TFF3: variants seen among roughly 807,000 people sequenced by gnomAD.
TFF3 encodes trefoil factor 3.
TFF3 carries 6 observed loss-of-function variants against 9.7 expected under a neutral mutation model. That is an observed-to-expected ratio of 0.62 (90% CI 0.34 to 1.22). TFF3 has a LOEUF of 1.22. Ranked by LOEUF, TFF3 falls within the 50% of genes most tolerant of loss-of-function variation. The pLI is 0.04. For missense variants in TFF3, 93 were observed against 98.6 expected, an observed-to-expected ratio of 0.94 and a Z score of 0.24; for synonymous variants, 48 against 41.4, an observed-to-expected ratio of 1.16 and a Z score of -0.61.
In TFF3 at chr21:42,315,320, T is replaced by C; in HGVS notation, c.55A>G (p.Ser19Gly). 1 of 1,614,028 alleles carries C rather than the reference T, an allele frequency of 6.2e-7. No individual in the cohort carries two copies. ...AGGCCCACGTACTCCTCAGCAGAGC[T>C]GGAGGACAGCAAGGCCAGGACCAGC... ...LGLVLALLSS[S>G]SAEEYVGLSA... Residue 19 changes from serine (S) to glycine (G), a missense_variant, in exon 1 of 3, where the codon AGC becomes GGC. Ser to Gly is a moderately conservative substitution (Grantham distance 56). Transcript: ENST00000518498.
At chr21:42,312,606 T>TGGACCC (rs369294792) in intron 2 of TFF3, among the ~76,000 whole-genome samples, 3 of 152,244 alleles carry the variant, frequency 2.0e-5, no homozygotes, top group African/African-American at 7.2e-5. Context: ...TGGCCTTCTC[T>TGGACCC]GGACCCCCAC....
At position 42,313,575 on chromosome 21, in the gene TFF3, C is replaced by T. The variant is rs142147199; in HGVS notation, c.139G>A (p.Val47Ile). 3.7e-6 allele frequency: 6 copies of T among 1,611,188 alleles called. No homozygotes were observed. The African/African-American group carries it at 8.0e-5, about 22-fold the overall frequency. ...CGGTTGTTGCACTCCTTGGGGGTGA[C>T]ATGGGGGTAGCCGCAGTCCACCCTG... The part of the protein sequence containing the change: ...KDRVDCGYPH[V>I]TPKECNNRGC... The change falls in exon 2 of 3, where the codon GTC becomes ATC. Residue 47 changes from valine to isoleucine, a missense_variant. Physicochemically the swap from Val to Ile is conservative, Grantham distance 29. Transcript: ENST00000518498. This position sits in a 1 kb window ranked among gnomAD's most constrained non-coding sequence, Gnocchi z 4.0.
chr21:42,311,886 A>T lies in TFF3; in HGVS notation c.*370T>A. On this transcript the variant is annotated 3_prime_UTR_variant, in exon 3 of 3. Transcript: ENST00000518498. ...AGGAAGCGGCACTTACAGTGTTCCT[A>T]GGCTTTCCTGTGACGTGGGTGCCAG... is the stretch of plus-strand genomic sequence containing the variant. 2.2e-6 allele frequency: 1 copy of T among 449,974 alleles called. No homozygotes were observed. Among genetic ancestry groups the T allele is most frequent in the East Asian group, 4.5e-5 (1 of 22,128 alleles). The allele number at this position is 449,974 out of a possible 1,614,324, so 27.9% of individuals were successfully genotyped here. A position where few individuals can be genotyped will look rare whatever the true frequency, so the allele number is the denominator to read the frequency against.
chr21:42,313,372 G>T lies in TFF3; in HGVS notation c.229+113C>A. On this transcript the variant is annotated intron_variant, in intron 2 of 2. Transcript: ENST00000518498. The surrounding 1 kb of genome is among the most constrained non-coding windows in gnomAD (Gnocchi z 4.0). ...GAGGCCTTGGAACAGGTGTGTGTGT[G>T]TGGCTTCCTGGGGTCCTTGTGCCTC... 1 of 1,325,636 alleles carries T rather than the reference G, an allele frequency of 7.5e-7. No homozygotes were observed. Among genetic ancestry groups the T allele is most frequent in the Non-Finnish European group, 1.0e-6 (1 of 981,456 alleles). The allele number at this position is 1,325,636 out of a possible 1,614,324, so 82.1% of individuals were successfully genotyped here.
chr21:42,315,143 G>A (rs764775736), intron 1 of TFF3, 150 bp downstream of exon 1: 32 of 1,100,094 alleles, frequency 2.9e-5, no homozygotes, highest in African/African-American at 1.6e-5. Flanking sequence ...GTGAAATGGG[G>A]ACAATAAAGA....
Position 42,315,359 on chromosome 21 carries a change from G to A in TFF3, c.16C>T (p.Leu6Phe). Residue 6 changes from leucine to phenylalanine, a missense_variant, in exon 1 of 3, where the codon CTC (leucine) becomes TTC (phenylalanine). Physicochemically the swap from Leu to Phe is conservative, Grantham distance 22 (BLOSUM62 0). Transcript: ENST00000518498. MAARA[L>F]CMLGLVLALL... ...GCCAGGACCAGCCCCAGCATGCAGA[G>A]CGCTCTGGCAGCCATGACCACCGTG... is the stretch of plus-strand genomic sequence containing the variant. 1 of 1,614,150 alleles carries A rather than the reference G, an allele frequency of 6.2e-7. No homozygotes were observed. Among genetic ancestry groups the A allele is most frequent in the Non-Finnish European group, 8.5e-7 (1 of 1,180,030 alleles).
chr21:42,312,364 T>G, intron 2 of TFF3, 95 bp from the exon 3 acceptor site: 5 of 1,432,246 alleles, frequency 3.5e-6, no homozygotes, highest in Non-Finnish European at 4.7e-6. Flanking sequence ...CAGCACCTAG[T>G]GCTGCCTCCT....
chr21:42,312,935 C>T (rs1026137674), intron 2 of TFF3, among the ~76,000 whole-genome samples: 2 of 152,182 alleles, frequency 1.3e-5, no homozygotes, highest in African/African-American at 4.8e-5. Context: ...GCACAGCACG[C>T]AGGCTCTCCG....
rs112543529 is a variant in TFF3 at position 42,313,736 on chromosome 21, G to A, written c.83-105C>T. ...GCATCCTCCCGCTCCGCCCCACCCC[G>A]CCGAGTTCAACCACTGCTGAAACCC... On this transcript the variant is annotated intron_variant, in intron 1 of 2. Coordinates refer to ENST00000518498, the MANE Select transcript of TFF3 (RefSeq NM_003226.4). This position sits in a 1 kb window ranked among gnomAD's most constrained non-coding sequence, Gnocchi z 4.0. 31 of 1,360,686 alleles carry A rather than the reference G, an allele frequency of 2.3e-5. No individual in the cohort carries two copies. Among genetic ancestry groups the A allele is most frequent in the South Asian group, 1.4e-4 (9 of 66,270 alleles). 84.3% of individuals were successfully genotyped at this position (1,360,686 alleles called of 1,614,324 possible).
In TFF3 at chr21:42,313,778, G is replaced by T; in HGVS notation, c.83-147C>A. 1.2e-6 allele frequency: 1 copy of T among 861,534 alleles called. No individual in the cohort carries two copies. Among genetic ancestry groups the T allele is most frequent in the Non-Finnish European group, 1.7e-6 (1 of 594,106 alleles). The allele number at this position is 861,534 out of a possible 1,614,324, so 53.4% of individuals were successfully genotyped here. ...CTGAAACCCTCGCCCTTAGGAAGATGCACTTTCCCTGTGAATATTTAAAGA... is the reference window on the plus strand; with the variant it reads ...CTGAAACCCTCGCCCTTAGGAAGATTCACTTTCCCTGTGAATATTTAAAGA... On this transcript the variant is annotated intron_variant, in intron 1 of 2. Transcript: ENST00000518498. The surrounding 1 kb of genome is among the most constrained non-coding windows in gnomAD (Gnocchi z 4.0).
chr21:42,314,368 C>T (rs1045601648), intron 1 of TFF3, among the ~76,000 whole-genome samples: 1 of 152,314 alleles, frequency 6.6e-6, no homozygotes, highest in Non-Finnish European at 1.5e-5. Flanking sequence ...AAATGACTGA[C>T]GTTGGCTGGG....
chr21:42,312,196 A>G lies in TFF3; in HGVS notation c.*60T>C. On this transcript the variant is annotated 3_prime_UTR_variant, in exon 3 of 3. Coordinates refer to ENST00000518498, the MANE Select transcript of TFF3 (RefSeq NM_003226.4). ...AGATGAACAGTGCCTGGCAGCAATC[A>G]CAGCCGGGCAAGGGTGCTCCGAGCC... 6.2e-7 allele frequency: 1 copy of G among 1,611,270 alleles called. No individual in the cohort carries two copies. Among genetic ancestry groups the G allele is most frequent in the Non-Finnish European group, 8.5e-7 (1 of 1,177,566 alleles).
Position 42,311,859 on chromosome 21 carries a change from C to T in TFF3, c.*397G>A. On this transcript the variant is annotated 3_prime_UTR_variant, in exon 3 of 3. Coordinates refer to ENST00000518498, the MANE Select transcript of TFF3 (RefSeq NM_003226.4). ...CTGAAATGTATTTTTTCTGCTTTCC[C>T]GAGGAAGCGGCACTTACAGTGTTCC... The T allele has an allele frequency of 2.9e-6, 1 of 350,028 alleles. No individual in the cohort carries two copies. Among genetic ancestry groups the T allele is most frequent in the East Asian group, 6.6e-5 (1 of 15,080 alleles). The allele number at this position is 350,028 out of a possible 1,614,324, so 21.7% of individuals were successfully genotyped here.
In TFF3 at chr21:42,311,966, G is replaced by T; in HGVS notation, c.*290C>A. The T allele has an allele frequency of 1.6e-6, 1 of 623,588 alleles. No homozygotes were observed. The highest frequency in any genetic ancestry group is 2.9e-6 in the Non-Finnish European group (1 of 344,740). 38.6% of individuals were successfully genotyped at this position (623,588 alleles called of 1,614,324 possible). On this transcript the variant is annotated 3_prime_UTR_variant, in exon 3 of 3. Coordinates refer to ENST00000518498, the MANE Select transcript of TFF3 (RefSeq NM_003226.4). ...GCAGCTCCTTAGGGAGTCTTTTCCT[G>T]CCCTTGAGGCCTGGGCAGACTCTCC...
intron 1 of TFF3, 79 bp downstream of exon 1, chr21:42,315,214 G>T: frequency 6.6e-7 from 1 of 1,514,302 alleles, no homozygotes; most frequent in Non-Finnish European, 8.8e-7. Context: ...ATTATTAAAT[G>T]AATGCAGAAT....
At position 42,313,820 on chromosome 21, in the gene TFF3, T is replaced by C; in HGVS notation, c.83-189A>G. 1.6e-6 allele frequency: 1 copy of C among 644,392 alleles called. No individual in the cohort carries two copies. Among genetic ancestry groups the C allele is most frequent in the Non-Finnish European group, 2.5e-6 (1 of 402,840 alleles). 39.9% of individuals were successfully genotyped at this position (644,392 alleles called of 1,614,324 possible). The stretch of plus-strand genomic sequence containing the variant: ...ATTTAAAGAGAGGCAGTCTGTTAAA[T>C]GCTCAGCTCGGGGACTCTGGCCATT... On this transcript the variant is annotated intron_variant, in intron 1 of 2. Transcript: ENST00000518498. This position sits in a 1 kb window ranked among gnomAD's most constrained non-coding sequence, Gnocchi z 4.0.
intron 2 of TFF3, among the ~76,000 whole-genome samples, chr21:42,312,530 G>GTGTA (rs1477982962): frequency 6.6e-6 from 1 of 152,172 alleles, no homozygotes; most frequent in African/African-American, 2.4e-5. Context: ...TCAGAGGAGA[G>GTGTA]TGTAGTTCCA....
At chr21:42,312,584 C>A (rs1451499195) in intron 2 of TFF3, among the ~76,000 whole-genome samples, 1 of 152,114 alleles carries the variant, frequency 6.6e-6, no homozygotes, top group Non-Finnish European at 1.5e-5. Flanking sequence ...GTAGCCAGAC[C>A]CCTCTCTCTC....
chr21:42,312,177 A>G lies in TFF3; in HGVS notation c.*79T>C. 6.3e-7 allele frequency: 1 copy of G among 1,588,124 alleles called. No homozygotes were observed. Among genetic ancestry groups the G allele is most frequent in the Non-Finnish European group, 8.6e-7 (1 of 1,156,566 alleles). ...CAAAGGGACAGAAAAGCTGAGATGAACAGTGCCTGGCAGCAATCACAGCCG... is the reference window on the plus strand; with the variant it reads ...CAAAGGGACAGAAAAGCTGAGATGAGCAGTGCCTGGCAGCAATCACAGCCG... On this transcript the variant is annotated 3_prime_UTR_variant, in exon 3 of 3. Transcript: ENST00000518498.
Sources: allele counts gnomAD v4.1 joint callset (sites outside exome capture counted in the v4.1 genomes callset), GRCh38; gene constraint gnomAD v4.1.1; non-coding constraint Gnocchi (gnomAD v3.1); transcripts MANE v1.5; gene names NCBI Gene and HGNC (gene_info 2026-07-23, HGNC 2026-07-21).